PROKR2: variants seen among roughly 807,000 people sequenced by gnomAD.
The protein encoded by PROKR2 is G protein-coupled receptor 73-like 1.
PROKR2 carries 26 observed loss-of-function variants against 23.4 expected under a neutral mutation model. The ratio of observed to expected loss-of-function variants is 1.11; its 90% CI spans 0.81 to 1.54. PROKR2 has a LOEUF of 1.54. Ranked by LOEUF, PROKR2 falls within the 40% of genes most tolerant of loss-of-function variation. The pLI is 0.00. For missense variants in PROKR2, 453 were observed against 511.5 expected, an observed-to-expected ratio of 0.89 and a Z score of 1.10; for synonymous variants, 212 against 201.2, an observed-to-expected ratio of 1.05 and a Z score of -0.45.
chr20:5,302,823 T>G (rs571822115), intron 2 of PROKR2, 87 bp from the exon 3 acceptor site: 1 of 959,456 alleles, frequency 1.0e-6, no homozygotes, highest in Non-Finnish European at 1.7e-6. Context: ...ACTAAAGCAG[T>G]GGCACAGTGA....
chr20:5,316,657 G>T lies in PROKR2; in HGVS notation c.-172C>A, dbSNP rs1979691631. ...GATGTCCCTCTTTTTTCCTCGCCCCGGCGGGCTCCTCCGGCGTGTCAGGGT... is the reference window on the plus strand; with the variant it reads ...GATGTCCCTCTTTTTTCCTCGCCCCTGCGGGCTCCTCCGGCGTGTCAGGGT... On this transcript the variant is annotated 5_prime_UTR_variant, in exon 1 of 3. Transcript: ENST00000678254. The surrounding 1 kb of genome is among the most constrained non-coding windows in gnomAD (Gnocchi z 5.0). 6.6e-6 allele frequency among the ~76,000 whole-genome samples: 1 copy of T among 152,192 alleles called. No homozygotes were observed. The highest frequency in any genetic ancestry group is 1.5e-5 in the Non-Finnish European group (1 of 68,018).
chr20:5,315,412 T>C (rs1979626720), intron 1 of PROKR2, among the ~76,000 whole-genome samples: 1 of 152,074 alleles, frequency 6.6e-6, no homozygotes, highest in East Asian at 1.9e-4. Context: ...CCGCAGGAGA[T>C]AGGGCACCCC....
At position 5,316,223 on chromosome 20, in the gene PROKR2, C is replaced by T. The variant is rs1005360832; in HGVS notation, c.-9+271G>A. On this transcript the variant is annotated intron_variant, in intron 1 of 2. Transcript: ENST00000678254. The surrounding 1 kb of genome is among the most constrained non-coding windows in gnomAD (Gnocchi z 5.0). ...CCCTCCCCTGCAATTTGGAGCTCGT[C>T]CGCGAGCTCAGCTACCCGCTGGCTC... is the stretch of plus-strand genomic sequence containing the variant. 4.4e-6 allele frequency: 2 copies of T among 456,658 alleles called. No homozygotes were observed. Among genetic ancestry groups the T allele is most frequent in the Non-Finnish European group, 8.8e-6 (2 of 226,948 alleles). 28.3% of individuals were successfully genotyped at this position (456,658 alleles called of 1,614,324 possible).
In PROKR2 at chr20:5,302,382, CCT is replaced by C; in HGVS notation, c.811_812del (p.Arg271GlufsTer28). The C allele has an allele frequency of 6.2e-7, 1 of 1,614,264 alleles. No homozygotes were observed. The highest frequency in any genetic ancestry group is 1.1e-5 in the South Asian group (1 of 91,086). On this transcript the variant is annotated frameshift_variant, in exon 3 of 3. Transcript: ENST00000678254. LOFTEE classifies it high-confidence loss of function. ...EQIRKRLRCR[R>X]KTVLVLMCIL... Reference sequence around the variant, plus strand: ...TGCACATGAGCACCAGGACCGTCTTCCTGCGGCAGCGCAGCCGCTTGCGAATC... The same window carrying C: ...TGCACATGAGCACCAGGACCGTCTTCGCGGCAGCGCAGCCGCTTGCGAATC...
chr20:5,313,133 A>G (rs2122221105), intron 2 of PROKR2, among the ~76,000 whole-genome samples: 1 of 119,470 alleles, frequency 8.4e-6, no homozygotes, highest in Middle Eastern at 3.8e-3. Flanking sequence ...GCCATTAAGT[A>G]TTTACAATTA....
chr20:5,310,539 C>A (rs1979398375), intron 2 of PROKR2, among the ~76,000 whole-genome samples: 1 of 149,860 alleles, frequency 6.7e-6, no homozygotes, highest in Non-Finnish European at 1.5e-5. Context: ...TCTTTCTTAG[C>A]ATTTTGCTTT....
chr20:5,309,189 A>G (rs2122215673), intron 2 of PROKR2, among the ~76,000 whole-genome samples: 1 of 152,184 alleles, frequency 6.6e-6, no homozygotes, highest in South Asian at 2.1e-4. Context: ...ACAGTCACTG[A>G]CTCTTCATGA....
At chr20:5,308,587 G>T (rs1280687427) in intron 2 of PROKR2, among the ~76,000 whole-genome samples, 3 of 152,154 alleles carry the variant, frequency 2.0e-5, no homozygotes, top group Non-Finnish European at 4.4e-5. Flanking sequence ...TCTGTTCGGG[G>T]CTCTCAGCTC....
At chr20:5,315,331 C>A (rs1021264989) in intron 1 of PROKR2, among the ~76,000 whole-genome samples, 2 of 152,316 alleles carry the variant, frequency 1.3e-5, no homozygotes, top group Middle Eastern at 6.8e-3. Context: ...CAGAGTCAAC[C>A]CTGCCTGAAA....
At chr20:5,313,859 G>T in intron 2 of PROKR2, 53 bp downstream of exon 2, 1 of 1,459,278 alleles carries the variant, frequency 6.9e-7, no homozygotes, top group East Asian at 2.3e-5. Flanking sequence ...GCCTAAATGA[G>T]GAAAGAGACA....
At chr20:5,308,930 A>T (rs1435410346) in intron 2 of PROKR2, among the ~76,000 whole-genome samples, 1 of 151,984 alleles carries the variant, frequency 6.6e-6, no homozygotes, top group Non-Finnish European at 1.5e-5. Context: ...GAGATACCAA[A>T]GCAGCATGGC....
At chr20:5,303,640 A>C (rs1469010825) in intron 2 of PROKR2, among the ~76,000 whole-genome samples, 1 of 152,058 alleles carries the variant, frequency 6.6e-6, no homozygotes, top group African/African-American at 2.4e-5. Context: ...AGACCTAATG[A>C]CACCTATTTA....
chr20:5,304,563 T>C (rs1451380796), intron 2 of PROKR2, among the ~76,000 whole-genome samples: 1 of 152,064 alleles, frequency 6.6e-6, no homozygotes, highest in Non-Finnish European at 1.5e-5. Flanking sequence ...CAGACCAACT[T>C]TTGGGGGTTG....
At chr20:5,309,514 TCA>T (rs1979353302) in intron 2 of PROKR2, among the ~76,000 whole-genome samples, 2 of 151,942 alleles carry the variant, frequency 1.3e-5, no homozygotes, top group Non-Finnish European at 2.9e-5. Flanking sequence ...CCTCCCTCTT[TCA>T]CAGTTAAAGA....
At position 5,316,725 on chromosome 20, in the gene PROKR2, T is replaced by C. The variant is rs919444413; in HGVS notation, c.-240A>G. Among the ~76,000 whole-genome samples the C allele has an allele frequency of 6.6e-6, 1 of 152,230 alleles. No homozygotes were observed. The highest frequency in any genetic ancestry group is 1.9e-4 in the East Asian group (1 of 5,184). ...AGTTGGCGCTCCGGCCCCACAGCTC[T>C]TTCCAGCGTCTCGGACCTGTGCGCC... On this transcript the variant is annotated 5_prime_UTR_variant, in exon 1 of 3. Transcript: ENST00000678254. The surrounding 1 kb of genome is among the most constrained non-coding windows in gnomAD (Gnocchi z 5.0).
At chr20:5,306,592 G>A (rs1420700429) in intron 2 of PROKR2, among the ~76,000 whole-genome samples, 3 of 152,304 alleles carry the variant, frequency 2.0e-5, no homozygotes, top group East Asian at 1.9e-4. Context: ...TTTTCCAGAC[G>A]CCCTATACTT....
chr20:5,314,001 A>T lies in PROKR2; in HGVS notation c.369T>A (p.His123Gln). Residue 123 changes from histidine (H) to glutamine (Q), a missense_variant, in exon 2 of 3, where the codon CAT becomes CAA. Physicochemically the swap from His to Gln is conservative, Grantham distance 24. Transcript: ENST00000678254. ...YYVVRQLSWE[H>Q]GHVLCASVNY... ...TGACGGAGGCACAGAGCACGTGGCC[A>T]TGCTCCCAGGAGAGCTGCCGTACCA... is the stretch of plus-strand genomic sequence containing the variant. 1.2e-6 allele frequency: 2 copies of T among 1,614,188 alleles called. No individual in the cohort carries two copies. The highest frequency in any genetic ancestry group is 1.7e-5 in the Admixed American group (1 of 60,028).
At chr20:5,305,388 C>T (rs7272952) in intron 2 of PROKR2, among the ~76,000 whole-genome samples, 79,398 of 151,830 alleles carry the variant, frequency 0.52, 20,757 homozygotes, top group African/African-American at 0.57. Context: ...CCAGCGGGGA[C>T]GATAGGATTA....
In PROKR2 at chr20:5,316,196, C is replaced by T. The variant is rs1205086699; in HGVS notation, c.-9+298G>A. ...TTTCAGGAAGGTGCCCCTCTACCTG[C>T]ACCCTCCCCTGCAATTTGGAGCTCG... On this transcript the variant is annotated intron_variant, in intron 1 of 2. Coordinates refer to ENST00000678254, the MANE Select transcript of PROKR2 (RefSeq NM_144773.4). This position sits in a 1 kb window ranked among gnomAD's most constrained non-coding sequence, Gnocchi z 5.0. 1 of 456,700 alleles carries T rather than the reference C, an allele frequency of 2.2e-6. No individual in the cohort carries two copies. The highest frequency in any genetic ancestry group is 4.4e-6 in the Non-Finnish European group (1 of 226,950). The allele number at this position is 456,700 out of a possible 1,614,324, so 28.3% of individuals were successfully genotyped here.
Sources: gnomAD v4.1 joint callset for allele counts (sites outside exome capture counted in the v4.1 genomes callset) on GRCh38, gnomAD v4.1.1 for gene constraint, Gnocchi (gnomAD v3.1) non-coding constraint, MANE v1.5 for transcripts, NCBI Gene and HGNC (gene_info 2026-07-23, HGNC 2026-07-21) for gene names.